The following DPP10 variants were observed in gnomAD, a reference collection of about 807,000 sequenced individuals.
The protein encoded by DPP10 is dipeptidyl peptidase like 10.
A neutral mutation model predicts 120.9 loss-of-function variants in DPP10; 33 were observed. That is an observed-to-expected ratio of 0.27 (90% CI 0.21 to 0.37). The LOEUF is 0.37. Among genes scored for constraint, DPP10 ranks in the 10% least tolerant of loss-of-function variants. The pLI is 1.00. For synonymous variants in DPP10, 337 were observed against 326.1 expected (o/e 1.03, Z -0.36); for missense variants, 816 against 942.8 (o/e 0.87, Z 1.76).
chr2:115,626,487 T>C (rs67751849), intron 5 of DPP10, among the ~76,000 whole-genome samples: 32,803 of 152,040 alleles, frequency 0.22, 4,142 homozygotes, highest in East Asian at 0.39. Context: ...CCATGATTTA[T>C]ACATGCTTAG....
chr2:114,714,990 C>CTGAAA (rs1701261402), intron 1 of DPP10, among the ~76,000 whole-genome samples: 1 of 152,052 alleles, frequency 6.6e-6, no homozygotes, highest in South Asian at 2.1e-4. Context: ...TGAAAGAATC[C>CTGAAA]TTTTCAAGTT....
At chr2:115,153,803 C>A (rs2051721373) in intron 1 of DPP10, among the ~76,000 whole-genome samples, 1 of 152,042 alleles carries the variant, frequency 6.6e-6, no homozygotes, top group South Asian at 2.1e-4. Context: ...CATAAAAATA[C>A]TTGTCTCTCC....
At chr2:114,902,014 T>C (rs972987751) in intron 1 of DPP10, among the ~76,000 whole-genome samples, 14 of 152,202 alleles carry the variant, frequency 9.2e-5, no homozygotes, top group Admixed American at 3.3e-4. Context: ...TGACAACATC[T>C]GCTTATCATG....
chr2:114,606,729 A>G (rs1233846394), intron 1 of DPP10, among the ~76,000 whole-genome samples: 1 of 152,200 alleles, frequency 6.6e-6, no homozygotes, highest in African/African-American at 2.4e-5. Context: ...CATAATTTTT[A>G]GAAGCCATTT....
At chr2:115,308,180 C>G (rs1371398417) in intron 1 of DPP10, among the ~76,000 whole-genome samples, 1 of 152,058 alleles carries the variant, frequency 6.6e-6, no homozygotes, top group African/African-American at 2.4e-5. Context: ...CTGTGAGTCA[C>G]AGGAACTCAT....
At chr2:114,445,034 A>G (rs1208026053) in intron 1 of DPP10, among the ~76,000 whole-genome samples, 1 of 152,168 alleles carries the variant, frequency 6.6e-6, no homozygotes, top group East Asian at 1.9e-4. Context: ...TAGGTAATGC[A>G]TTAGCCTATG....
intron 12 of DPP10, among the ~76,000 whole-genome samples, chr2:115,765,969 T>C (rs1680654926): frequency 6.6e-6 from 1 of 152,102 alleles, no homozygotes; most frequent in Non-Finnish European, 1.5e-5. Context: ...GTATTGTGAA[T>C]GAAGCTAAAA....
At chr2:115,512,184 C>G (rs916549516) in intron 4 of DPP10, among the ~76,000 whole-genome samples, 1 of 151,716 alleles carries the variant, frequency 6.6e-6, no homozygotes, top group Non-Finnish European at 1.5e-5. Flanking sequence ...CACTGTAGCC[C>G]CAATCTCCCA....
chr2:114,457,051 A>G (rs1309674529), intron 1 of DPP10, among the ~76,000 whole-genome samples: 1 of 152,158 alleles, frequency 6.6e-6, no homozygotes, highest in Non-Finnish European at 1.5e-5. Flanking sequence ...GTTTGAGTTG[A>G]GTTTGTGGAA....
intron 7 of DPP10, among the ~76,000 whole-genome samples, chr2:115,691,115 C>T (rs1206726312): frequency 6.8e-6 from 1 of 146,554 alleles, no homozygotes; most frequent in Non-Finnish European, 1.5e-5. Flanking sequence ...ATTTTTTATT[C>T]TTTTTTTTTT....
At chr2:115,691,238 A>T (rs2091298610) in intron 7 of DPP10, among the ~76,000 whole-genome samples, 2 of 151,762 alleles carry the variant, frequency 1.3e-5, no homozygotes, top group African/African-American at 4.8e-5. Context: ...CTACAAACAT[A>T]TTTTTTTATA....
At chr2:114,984,131 C>A (rs923586387) in intron 1 of DPP10, among the ~76,000 whole-genome samples, 4 of 152,162 alleles carry the variant, frequency 2.6e-5, no homozygotes, top group Non-Finnish European at 5.9e-5. Flanking sequence ...GTACTTATTT[C>A]TTTCATAGTC....
chr2:114,867,366 A>G (rs1157074425), intron 1 of DPP10, among the ~76,000 whole-genome samples: 2 of 152,162 alleles, frequency 1.3e-5, no homozygotes, highest in African/African-American at 2.4e-5. Context: ...TTCAGAAGAT[A>G]ATGCAATCAA....
At chr2:114,962,540 A>G (rs1698719724) in intron 1 of DPP10, among the ~76,000 whole-genome samples, 1 of 152,220 alleles carries the variant, frequency 6.6e-6, no homozygotes, top group Non-Finnish European at 1.5e-5. Context: ...AGCTTGTTCA[A>G]AATGAATACT....
At chr2:115,558,903 A>T (rs2080387059) in intron 5 of DPP10, among the ~76,000 whole-genome samples, 1 of 152,140 alleles carries the variant, frequency 6.6e-6, no homozygotes, top group African/African-American at 2.4e-5. Flanking sequence ...ATTGTAATGA[A>T]TCACTGGGGG....
At chr2:115,773,063 A>G (rs1007631765) in intron 13 of DPP10, among the ~76,000 whole-genome samples, 1 of 152,188 alleles carries the variant, frequency 6.6e-6, no homozygotes, top group African/African-American at 2.4e-5. Flanking sequence ...CCACAATTTT[A>G]TCACCTAATC....
intron 1 of DPP10, among the ~76,000 whole-genome samples, chr2:115,217,117 A>C (rs1559257124): frequency 6.6e-6 from 1 of 152,104 alleles, no homozygotes; most frequent in South Asian, 2.1e-4. Context: ...AATTGTTTTC[A>C]CCAGAGTTTT....
chr2:114,831,652 G>A (rs566755625), intron 1 of DPP10, among the ~76,000 whole-genome samples: 24 of 152,188 alleles, frequency 1.6e-4, no homozygotes, highest in African/African-American at 4.6e-4. Flanking sequence ...TATTCTGCAC[G>A]TAGTTTGCAA....
chr2:114,927,068 C>T (rs1385064724), intron 1 of DPP10, among the ~76,000 whole-genome samples: 1 of 152,000 alleles, frequency 6.6e-6, no homozygotes, highest in Non-Finnish European at 1.5e-5. Context: ...CCAGAATGGT[C>T]TCGAGCTCCT....
Sources: gnomAD v4.1 joint callset for allele counts (sites outside exome capture counted in the v4.1 genomes callset) on GRCh38, gnomAD v4.1.1 for gene constraint, MANE v1.5 for transcripts, NCBI Gene and HGNC (gene_info 2026-07-23, HGNC 2026-07-21) for gene names.